The following PCDHGA1 variants were observed in gnomAD, a reference collection of about 807,000 sequenced individuals.
The protein encoded by PCDHGA1 is protocadherin gamma-A1.
Under a neutral mutation model 58.0 loss-of-function variants are expected in PCDHGA1, and 32 were observed. That is an observed-to-expected ratio of 0.55 (90% CI 0.42 to 0.74). PCDHGA1 has a LOEUF of 0.74. PCDHGA1 is among the 30% of genes least tolerant of loss of function. The pLI is 0.00. For missense variants in PCDHGA1, 1,205 were observed against 1,182.3 expected, an observed-to-expected ratio of 1.02 and a Z score of -0.28; for synonymous variants, 498 against 501.1, an observed-to-expected ratio of 0.99 and a Z score of 0.08.
intron 3 of PCDHGA1, among the ~76,000 whole-genome samples, chr5:141,505,720 G>A (rs1251781594): frequency 2.2e-4 from 34 of 152,212 alleles, no homozygotes; most frequent in Non-Finnish European, 2.9e-5. Context: ...GACTCATGGA[G>A]GGAATAGTGG....
intron 1 of PCDHGA1, among the ~76,000 whole-genome samples, chr5:141,483,361 A>C (rs752805137): frequency 4.6e-5 from 7 of 152,102 alleles, no homozygotes; most frequent in Non-Finnish European, 7.4e-5. Flanking sequence ...TTTGAAAGCT[A>C]TTGCAATATT....
At chr5:141,433,207 TC>T (rs780557883) in intron 1 of PCDHGA1, 10 of 1,568,868 alleles carry the variant, frequency 6.4e-6, no homozygotes, top group African/African-American at 1.4e-5. Flanking sequence ...AAATCTTCTT[TC>T]TTTTTTTTTT....
At chr5:141,427,924 G>A (rs1440880400) in intron 1 of PCDHGA1, 8 of 1,580,024 alleles carry the variant, frequency 5.1e-6, no homozygotes, top group East Asian at 2.2e-5. Context: ...ATGAGCCGGC[G>A]CATGTTGGTG....
chr5:141,409,230 A>G, intron 1 of PCDHGA1: 1 of 1,614,024 alleles, frequency 6.2e-7, no homozygotes. Context: ...GAAAACGACA[A>G]CAGCCCAGAA....
rs753202774 is a variant in PCDHGA1, at chr5:141,487,875, C to A, written c.2422-6932C>A. 33 of 828,628 alleles carry A rather than the reference C, an allele frequency of 4.0e-5. No individual in the cohort carries two copies. Among genetic ancestry groups the A allele is most frequent in the Non-Finnish European group, 5.8e-5 (31 of 536,030 alleles). The allele number at this position is 828,628 out of a possible 1,614,324, so 51.3% of individuals were successfully genotyped here. A position where few individuals can be genotyped will look rare whatever the true frequency, so the allele number is the denominator to read the frequency against. The stretch of plus-strand genomic sequence containing the variant: ...AAGTAATTGGTGATCAAGAGCCAGG[C>A]TGTTGTGGAAGCATGATGATGGAAT... On this transcript the variant is annotated intron_variant, in intron 1 of 3. Coordinates refer to ENST00000517417, the MANE Select transcript of PCDHGA1 (RefSeq NM_018912.3). The surrounding 1 kb of genome is among the most constrained non-coding windows in gnomAD (Gnocchi z 5.0).
At chr5:141,416,993 C>T (rs1230909560) in intron 1 of PCDHGA1, 1 of 151,494 alleles carries the variant, frequency 6.6e-6, no homozygotes, top group Non-Finnish European at 1.5e-5. Context: ...ATTGTGCATT[C>T]ATCTCAAATA....
At chr5:141,375,378 T>A (rs1226520501) in intron 1 of PCDHGA1, 11 of 1,613,954 alleles carry the variant, frequency 6.8e-6, no homozygotes, top group Non-Finnish European at 9.3e-6. Flanking sequence ...ACACCACCTC[T>A]GTCTACAGAA....
At chr5:141,413,331 C>T (rs1300057166) in intron 1 of PCDHGA1, 1 of 1,613,992 alleles carries the variant, frequency 6.2e-7, no homozygotes, top group Admixed American at 1.7e-5. Context: ...TGGGCAACAT[C>T]TCCAAGGACT....
intron 1 of PCDHGA1, chr5:141,419,181 A>T (rs769321564): frequency 1.9e-6 from 3 of 1,613,858 alleles, no homozygotes; most frequent in Admixed American, 3.3e-5. Flanking sequence ...ATAACCCTGC[A>T]CATTACTGAC....
chr5:141,392,194 T>C (rs1486735796), intron 1 of PCDHGA1: 1 of 152,238 alleles, frequency 6.6e-6, no homozygotes, highest in East Asian at 1.9e-4. Context: ...TCTATTTTAG[T>C]CTCAAGATAA....
In PCDHGA1 at chr5:141,477,029, A is replaced by C; in HGVS notation, c.2422-17778A>C. 6.2e-7 allele frequency: 1 copy of C among 1,614,238 alleles called. No homozygotes were observed. The highest frequency in any genetic ancestry group is 8.5e-7 in the Non-Finnish European group (1 of 1,180,040). Reference sequence around the variant, plus strand: ...CTTAGACCTTGTAACCGGGATGCTGACAATCAAGGGTCGGCTGGACTTCGA... The same window carrying C: ...CTTAGACCTTGTAACCGGGATGCTGCCAATCAAGGGTCGGCTGGACTTCGA... On this transcript the variant is annotated intron_variant, in intron 1 of 3. Transcript: ENST00000517417. This position sits in a 1 kb window ranked among gnomAD's most constrained non-coding sequence, Gnocchi z 4.9.
chr5:141,371,294 A>T, intron 1 of PCDHGA1: 2 of 1,614,012 alleles, frequency 1.2e-6, no homozygotes, highest in Non-Finnish European at 1.7e-6. Flanking sequence ...AAACGGGGGA[A>T]CTCACCACTA....
At chr5:141,389,367 G>A (rs1402654392) in intron 1 of PCDHGA1, 4 of 1,613,806 alleles carry the variant, frequency 2.5e-6, no homozygotes, top group South Asian at 1.1e-5. Context: ...CAGTGACCTG[G>A]AGCAGCGGGA....
Position 141,414,833 on chromosome 5 carries a change from G to A in PCDHGA1, c.2422-79974G>A, listed in dbSNP as rs768992312. On this transcript the variant is annotated intron_variant, in intron 1 of 3. Coordinates refer to ENST00000517417, the MANE Select transcript of PCDHGA1 (RefSeq NM_018912.3). ...CCACTCAGCAGCAACGTGTCGTTGAGCCTGTTTGTGCTGGACCAGAACGAC... is the reference window on the plus strand; with the variant it reads ...CCACTCAGCAGCAACGTGTCGTTGAACCTGTTTGTGCTGGACCAGAACGAC... 1.9e-6 allele frequency: 3 copies of A among 1,614,098 alleles called. No homozygotes were observed. In the East Asian group the frequency reaches 6.7e-5, roughly 36 times the overall value.
rs940192993 is a variant in PCDHGA1 at position 141,346,230 on chromosome 5, G to A, written c.2421+13125G>A. 9.3e-6 allele frequency: 15 copies of A among 1,614,028 alleles called. No individual in the cohort carries two copies. The African/African-American group carries it at 9.3e-5, about 10-fold the overall frequency. On this transcript the variant is annotated intron_variant, in intron 1 of 3. Coordinates refer to ENST00000517417, the MANE Select transcript of PCDHGA1 (RefSeq NM_018912.3). Reference sequence around the variant, plus strand: ...GCTGCAGGCTTCGGGAGGCGGCTTGGCGAGTACGCCCGGCTCGCACTTTGT... The same window carrying A: ...GCTGCAGGCTTCGGGAGGCGGCTTGACGAGTACGCCCGGCTCGCACTTTGT...
At chr5:141,375,105 A>C (rs371346343) in intron 1 of PCDHGA1, 14 of 1,613,840 alleles carry the variant, frequency 8.7e-6, no homozygotes, top group African/African-American at 2.7e-5. Context: ...TTGGATGTCA[A>C]TGATAATGTA....
intron 1 of PCDHGA1, among the ~76,000 whole-genome samples, chr5:141,380,341 G>A (rs1359705635): frequency 6.6e-6 from 1 of 152,024 alleles, no homozygotes; most frequent in Non-Finnish European, 1.5e-5. Context: ...TCAAAGAACT[G>A]TTTTGTTGTT....
chr5:141,376,545 A>T, intron 1 of PCDHGA1: 2 of 1,612,680 alleles, frequency 1.2e-6, no homozygotes, highest in Non-Finnish European at 8.5e-7. Flanking sequence ...GAGTAATCTG[A>T]TCTTCCCGCA....
At chr5:141,340,168 C>A (rs1280175877) in intron 1 of PCDHGA1, 1 of 1,614,134 alleles carries the variant, frequency 6.2e-7, no homozygotes, top group South Asian at 1.1e-5. Context: ...AGTCAGTAGA[C>A]AATTACTACC....
Sources: gnomAD v4.1 joint callset for allele counts (sites outside exome capture counted in the v4.1 genomes callset) on GRCh38, gnomAD v4.1.1 for gene constraint, Gnocchi (gnomAD v3.1) non-coding constraint, MANE v1.5 for transcripts, NCBI Gene and HGNC (gene_info 2026-07-23, HGNC 2026-07-21) for gene names.